The following GALNT17 variants were observed in gnomAD, a reference collection of about 807,000 sequenced individuals.
The protein encoded by GALNT17 is polypeptide N-acetylgalactosaminyltransferase 17, also known as UDP-GalNAc:polypeptide N-acetylgalactosaminyltransferase-like 3.
In GALNT17, 29 loss-of-function variants were observed where a neutral mutation model predicts 63.7. That is an observed-to-expected ratio of 0.46 (90% CI 0.34 to 0.62). The LOEUF (loss-of-function observed/expected upper bound fraction) is 0.62. Among genes scored for constraint, GALNT17 ranks in the 20% least tolerant of loss-of-function variants. GALNT17 has a pLI of 0.01. For missense variants in GALNT17, 603 were observed against 799.6 expected (o/e 0.75, Z 2.97); for synonymous variants, 305 against 318.3 (o/e 0.96, Z 0.45).
At chr7:71,148,858 T>TATATATATATATATA (rs1788075671) in intron 1 of GALNT17, among the ~76,000 whole-genome samples, 2 of 91,914 alleles carry the variant, frequency 2.2e-5, no homozygotes, top group Non-Finnish European at 4.0e-5. Flanking sequence ...ATTATGGTAT[T>TATATATATATATATA]TTTATATATA....
At chr7:71,559,103 C>T (rs1043821549) in intron 5 of GALNT17, among the ~76,000 whole-genome samples, 2 of 152,126 alleles carry the variant, frequency 1.3e-5, no homozygotes, top group Non-Finnish European at 2.9e-5. Flanking sequence ...CCTTTGGGTC[C>T]TATTTTCTTG....
chr7:71,252,019 C>T (rs889728048), intron 1 of GALNT17, among the ~76,000 whole-genome samples: 2 of 152,160 alleles, frequency 1.3e-5, no homozygotes, highest in African/African-American at 2.4e-5. Flanking sequence ...GAAGGTGCCC[C>T]TGCTGCCTCC....
At chr7:71,299,106 T>G (rs1462402659) in intron 1 of GALNT17, among the ~76,000 whole-genome samples, 1 of 152,130 alleles carries the variant, frequency 6.6e-6, no homozygotes, top group Non-Finnish European at 1.5e-5. Context: ...GTAAGGCTTT[T>G]AGACCACCTG....
At chr7:71,368,924 G>C (rs186015756) in intron 2 of GALNT17, among the ~76,000 whole-genome samples, 237 of 148,688 alleles carry the variant, frequency 1.6e-3, no homozygotes, top group African/African-American at 5.9e-3. Context: ...TCGGGGGTGG[G>C]GGGGGGTGTT....
At chr7:71,677,397 G>C in intron 9 of GALNT17, 91 bp downstream of exon 9, 1 of 1,241,080 alleles carries the variant, frequency 8.1e-7, no homozygotes, top group South Asian at 1.4e-5. Context: ...CTTTGTTGCT[G>C]TCTACCTTGG....
At chr7:71,463,205 A>G (rs968516319) in intron 5 of GALNT17, among the ~76,000 whole-genome samples, 69 of 152,296 alleles carry the variant, frequency 4.5e-4, no homozygotes, top group African/African-American at 1.6e-3. Context: ...ACTGGTTGCT[A>G]GAATTTGGGG....
chr7:71,707,344 A>T (rs994193898), intron 9 of GALNT17, among the ~76,000 whole-genome samples: 4 of 152,168 alleles, frequency 2.6e-5, no homozygotes, highest in Non-Finnish European at 5.9e-5. Flanking sequence ...AAGATGGATG[A>T]ATGAATGCAT....
chr7:71,217,630 G>T (rs1408848633), intron 1 of GALNT17, among the ~76,000 whole-genome samples: 2 of 151,924 alleles, frequency 1.3e-5, no homozygotes, highest in African/African-American at 4.8e-5. Flanking sequence ...CATAGTCGTT[G>T]TTAAAAAAAT....
intron 2 of GALNT17, among the ~76,000 whole-genome samples, chr7:71,353,551 T>C (rs561374724): frequency 1.2e-4 from 18 of 152,354 alleles, no homozygotes; most frequent in Non-Finnish European, 2.6e-4. Context: ...GACAGTCCAG[T>C]TATTTTTTAA....
chr7:71,146,094 T>C (rs923452220), intron 1 of GALNT17, among the ~76,000 whole-genome samples: 1 of 152,122 alleles, frequency 6.6e-6, no homozygotes, highest in Non-Finnish European at 1.5e-5. Context: ...TGTGCTGGGC[T>C]GGAGGGATCC....
At chr7:71,288,662 A>T (rs1790922234) in intron 1 of GALNT17, among the ~76,000 whole-genome samples, 1 of 152,136 alleles carries the variant, frequency 6.6e-6, no homozygotes, top group African/African-American at 2.4e-5. Context: ...CCTTGCGTTT[A>T]GCTGGGTTCC....
chr7:71,136,807 G>A (rs1787791720), intron 1 of GALNT17, among the ~76,000 whole-genome samples: 1 of 145,540 alleles, frequency 6.9e-6, no homozygotes, highest in East Asian at 2.1e-4. Flanking sequence ...TTTTTTTTGA[G>A]TCAGAGTCTC....
rs889337950 is a variant in GALNT17, at chr7:71,207,938, CT to C, written c.238+74912del. 9.6e-3 allele frequency among the ~76,000 whole-genome samples: 1,392 copies of C among 144,980 alleles called. 10 individuals are homozygous for C. The highest frequency in any genetic ancestry group is 0.025 in the African/African-American group (984 of 39,338). On this transcript the variant is annotated intron_variant, in intron 1 of 10. Transcript: ENST00000333538. ...GTGCCTGTAATTTTTTTTCTTTTTT[CT>C]TTTTTTTTTTTTTGAGACAGGGTCT...
At chr7:71,323,821 G>A (rs893092101) in intron 1 of GALNT17, among the ~76,000 whole-genome samples, 2 of 152,148 alleles carry the variant, frequency 1.3e-5, no homozygotes, top group Non-Finnish European at 2.9e-5. Context: ...TGATATTTAC[G>A]AGGTGTTTGC....
At chr7:71,403,662 G>A (rs1793278067) in intron 3 of GALNT17, among the ~76,000 whole-genome samples, 2 of 152,130 alleles carry the variant, frequency 1.3e-5, no homozygotes, top group South Asian at 4.1e-4. Flanking sequence ...AAACTTCAGG[G>A]TCCTGAATAC....
intron 7 of GALNT17, among the ~76,000 whole-genome samples, chr7:71,667,217 G>A (rs968812004): frequency 5.9e-5 from 9 of 152,216 alleles, no homozygotes; most frequent in Non-Finnish European, 1.2e-4. Flanking sequence ...AAATACAGTT[G>A]AATATGTGCC....
At chr7:71,434,182 T>G (rs1180228309) in intron 5 of GALNT17, among the ~76,000 whole-genome samples, 1 of 152,196 alleles carries the variant, frequency 6.6e-6, no homozygotes, top group East Asian at 1.9e-4. Flanking sequence ...TCTTTACTCC[T>G]CAGCTTGCAG....
chr7:71,202,080 T>C (rs1008984519), intron 1 of GALNT17, among the ~76,000 whole-genome samples: 1 of 152,170 alleles, frequency 6.6e-6, no homozygotes, highest in Non-Finnish European at 1.5e-5. Context: ...ATGAAGAAAA[T>C]CCTCTTTTAT....
intron 9 of GALNT17, among the ~76,000 whole-genome samples, chr7:71,694,143 C>T (rs1293677654): frequency 6.6e-6 from 1 of 151,938 alleles, no homozygotes; most frequent in East Asian, 1.9e-4. Flanking sequence ...GGGAAACTCC[C>T]CTTTATAAAA....
Sources: allele counts gnomAD v4.1 joint callset (sites outside exome capture counted in the v4.1 genomes callset), GRCh38; gene constraint gnomAD v4.1.1; transcripts MANE v1.5; gene names NCBI Gene and HGNC (gene_info 2026-07-23, HGNC 2026-07-21).